Variants in STIM1 observed in about 807,000 individuals in gnomAD.
STIM1 encodes stromal interaction molecule 1.
STIM1 carries 25 observed loss-of-function variants against 74.7 expected under a neutral mutation model. The ratio of observed to expected loss-of-function variants is 0.33; its 90% CI spans 0.24 to 0.47. The LOEUF (loss-of-function observed/expected upper bound fraction) is 0.47. STIM1 is among the 20% of genes least tolerant of loss of function. The pLI, the probability that STIM1 is intolerant of heterozygous loss-of-function variation, is 1.00. For synonymous variants in STIM1, 328 were observed against 348.8 expected (o/e 0.94, Z 0.66); for missense variants, 728 against 920.8 (o/e 0.79, Z 2.71).
At chr11:4,066,994 G>A (rs1030386301) in intron 5 of STIM1, among the ~76,000 whole-genome samples, 5 of 152,150 alleles carry the variant, frequency 3.3e-5, no homozygotes, top group African/African-American at 1.2e-4. Flanking sequence ...GGAGGGACCC[G>A]ACAATTCTTA....
intron 4 of STIM1, 115 bp from the exon 5 acceptor site, chr11:4,059,166 A>T: frequency 1.1e-6 from 1 of 922,768 alleles, no homozygotes; most frequent in South Asian, 1.4e-5. Flanking sequence ...TCTAGAGTGC[A>T]GAGGGGAGCA....
chr11:3,979,658 T>C (rs2093482223), intron 2 of STIM1, among the ~76,000 whole-genome samples: 1 of 152,154 alleles, frequency 6.6e-6, no homozygotes, highest in Non-Finnish European at 1.5e-5. Context: ...AAGTCTGGTA[T>C]TGAACTCCTG....
chr11:4,018,632 T>A (rs1396951280), intron 2 of STIM1, among the ~76,000 whole-genome samples: 1 of 123,618 alleles, frequency 8.1e-6, no homozygotes, highest in African/African-American at 3.4e-5. Flanking sequence ...GCAATAAGAA[T>A]GAAACTCTGT....
At position 4,055,508 on chromosome 11, in the gene STIM1, G is replaced by T. The variant is rs765361905; in HGVS notation, c.386-18G>T. On this transcript the variant is annotated intron_variant, in intron 3 of 12. Transcript: ENST00000526596. ...CTTGGCATTCTAGAGTCATGGCTTTGCTTGTCTCTTTTCACAGTATACAAT... is the reference window on the plus strand; with the variant it reads ...CTTGGCATTCTAGAGTCATGGCTTTTCTTGTCTCTTTTCACAGTATACAAT... The T allele has an allele frequency of 1.2e-5, 19 of 1,561,792 alleles. No individual in the cohort carries two copies. The highest frequency in any genetic ancestry group is 1.6e-5 in the Non-Finnish European group (18 of 1,147,052).
In STIM1 at chr11:3,915,064, T is replaced by C. The variant is rs533074524; in HGVS notation, c.140-52488T>C. On this transcript the variant is annotated intron_variant, in intron 1 of 12. Transcript: ENST00000526596. ...CTTATTGGCCATTTGTATGTCTTCT[T>C]TGGAGAATGTGTATTTAAGTCCTTT... Among the ~76,000 whole-genome samples the C allele has an allele frequency of 3.3e-5, 5 of 152,274 alleles. No homozygotes were observed. In the East Asian group the frequency reaches 5.8e-4, roughly 18 times the overall value.
intron 12 of STIM1, among the ~76,000 whole-genome samples, chr11:4,090,082 T>C (rs957166886): frequency 4.6e-5 from 7 of 152,172 alleles, no homozygotes; most frequent in African/African-American, 1.7e-4. Flanking sequence ...TGCGGTGGCA[T>C]GTCTCCATAA....
chr11:4,041,743 T>C (rs772831513), intron 3 of STIM1, among the ~76,000 whole-genome samples: 6 of 152,042 alleles, frequency 3.9e-5, no homozygotes, highest in Non-Finnish European at 8.8e-5. Flanking sequence ...GTGCGCGCCA[T>C]CACACACAGC....
chr11:3,997,713 A>G (rs188867566), intron 2 of STIM1, among the ~76,000 whole-genome samples: 182 of 152,308 alleles, frequency 1.2e-3, no homozygotes, highest in African/African-American at 4.2e-3. Context: ...ATTCATTATC[A>G]TTGGGAATTG....
At chr11:3,971,922 T>G (rs1358769141) in intron 2 of STIM1, among the ~76,000 whole-genome samples, 1 of 152,204 alleles carries the variant, frequency 6.6e-6, no homozygotes, top group Non-Finnish European at 1.5e-5. Context: ...AATATAGATA[T>G]TCAAGTAGAA....
chr11:3,956,400 A>G (rs1764550698), intron 1 of STIM1, among the ~76,000 whole-genome samples: 2 of 152,272 alleles, frequency 1.3e-5, no homozygotes, highest in South Asian at 4.2e-4. Flanking sequence ...AAAAGTAGGA[A>G]GGTTAGGGAA....
chr11:4,080,350 C>T (rs576752598), intron 7 of STIM1, among the ~76,000 whole-genome samples: 57 of 152,288 alleles, frequency 3.7e-4, no homozygotes, highest in South Asian at 6.2e-4. Context: ...TTGCCCATCT[C>T]TTGTCTTCCC....
chr11:3,948,582 T>A (rs1774019072), intron 1 of STIM1, among the ~76,000 whole-genome samples: 1 of 152,142 alleles, frequency 6.6e-6, no homozygotes. Flanking sequence ...TGATGACAAA[T>A]CAAAGGAGCC....
chr11:4,057,940 T>C (rs2094303709), intron 4 of STIM1, among the ~76,000 whole-genome samples: 1 of 151,712 alleles, frequency 6.6e-6, no homozygotes. Flanking sequence ...GAGGACTGAA[T>C]GAGGTATTGT....
chr11:3,925,815 T>C (rs2092781170), intron 1 of STIM1, among the ~76,000 whole-genome samples: 1 of 152,236 alleles, frequency 6.6e-6, no homozygotes, highest in African/African-American at 2.4e-5. Context: ...ATAGAGGCTG[T>C]AAAATATTAA....
At chr11:3,975,623 AAAGAAG>A (rs564021992) in intron 2 of STIM1, among the ~76,000 whole-genome samples, 5 of 152,208 alleles carry the variant, frequency 3.3e-5, no homozygotes, top group Admixed American at 2.6e-4. Context: ...GCCTCAAAAA[AAAGAAG>A]AAGAAGAAGG....
intron 6 of STIM1, 50 bp downstream of exon 6, chr11:4,070,253 C>A: frequency 6.2e-7 from 1 of 1,607,652 alleles, no homozygotes; most frequent in Non-Finnish European, 8.5e-7. Context: ...TTCTTGGGAA[C>A]CTCCTATTTC....
At chr11:3,994,037 AT>A (rs898198648) in intron 2 of STIM1, among the ~76,000 whole-genome samples, 10 of 152,166 alleles carry the variant, frequency 6.6e-5, no homozygotes, top group Admixed American at 5.2e-4. Context: ...TTCCTTTAGT[AT>A]TTTTTTGTAA....
In STIM1 at chr11:3,959,538, C is replaced by CTCA. The variant is rs533991986; in HGVS notation, c.140-8014_140-8013insTCA. The stretch of plus-strand genomic sequence containing the variant: ...ATGGGCCCTGGGGGATAGAGTGAGT[C>CTCA]AAGCTTGGTTCTTACCACTTGGATG... On this transcript the variant is annotated intron_variant, in intron 1 of 12. Coordinates refer to ENST00000526596, the MANE Select transcript of STIM1 (RefSeq NM_001382567.1). 7.0e-4 allele frequency among the ~76,000 whole-genome samples: 107 copies of CTCA among 152,218 alleles called. 1 individual carries two copies. The South Asian group carries it at 0.021, about 30-fold the overall frequency.
chr11:4,024,925 C>T (rs1388620549), intron 3 of STIM1, among the ~76,000 whole-genome samples: 1 of 152,126 alleles, frequency 6.6e-6, no homozygotes, highest in Non-Finnish European at 1.5e-5. Context: ...GCACAGATAA[C>T]AATAAGACTA....
Sources: allele counts gnomAD v4.1 joint callset (sites outside exome capture counted in the v4.1 genomes callset), GRCh38; gene constraint gnomAD v4.1.1; transcripts MANE v1.5; gene names NCBI Gene and HGNC (gene_info 2026-07-23, HGNC 2026-07-21).